DIAPH1: variants seen among roughly 807,000 people sequenced by gnomAD.
DIAPH1 encodes the protein diaphanous related formin 1, also known as protein diaphanous homolog 1.
DIAPH1 carries 46 observed loss-of-function variants against 140.7 expected under a neutral mutation model. That is an observed-to-expected ratio of 0.33 (90% confidence interval 0.26 to 0.42). DIAPH1 has a LOEUF of 0.42. Among genes scored for constraint, DIAPH1 ranks in the 10% least tolerant of loss-of-function variants. DIAPH1 has a pLI of 1.00. For missense variants in DIAPH1, 1,310 were observed against 1,558.7 expected (o/e 0.84, Z 2.69); for synonymous variants, 565 against 551.6 (o/e 1.02, Z -0.34).
intron 6 of DIAPH1, among the ~76,000 whole-genome samples, 154 bp from the exon 7 acceptor site, chr5:141,582,529 T>C (rs576673960): frequency 5.9e-5 from 9 of 152,252 alleles, no homozygotes; most frequent in South Asian, 4.1e-4. Flanking sequence ...CTGAAGAAAA[T>C]AGATAACTGA....
Position 141,524,243 on chromosome 5 carries a change from C to T in DIAPH1, c.3575-14G>A, listed in dbSNP as rs888321553. On this transcript the variant is annotated splice_polypyrimidine_tract_variant and intron_variant, in intron 26 of 27. Transcript: ENST00000389054. ...TCTCATCGCCCTCTGTTATAAAGAA[C>T]AAGATGGAGATGTGAACTCTTCAGC... The T allele has an allele frequency of 3.1e-6, 5 of 1,611,742 alleles. No individual in the cohort carries two copies. Among genetic ancestry groups the T allele is most frequent in the Non-Finnish European group, 4.2e-6 (5 of 1,177,930 alleles).
chr5:141,527,929 C>T (rs2099887635), intron 23 of DIAPH1, among the ~76,000 whole-genome samples: 1 of 152,116 alleles, frequency 6.6e-6, no homozygotes, highest in African/African-American at 2.4e-5. Flanking sequence ...CCAGCCTTCA[C>T]AAGGTATGCA....
intron 1 of DIAPH1, among the ~76,000 whole-genome samples, chr5:141,609,198 G>C (rs923761400): frequency 2.1e-5 from 3 of 142,104 alleles, no homozygotes; most frequent in Non-Finnish European, 4.5e-5. Context: ...CAGGCATTTA[G>C]CCACTACGCT....
intron 27 of DIAPH1, chr5:141,518,873 G>A (rs2099886103): frequency 2.8e-6 from 4 of 1,432,712 alleles, no homozygotes; most frequent in Non-Finnish European, 2.9e-6. Context: ...ATGACCCAGA[G>A]CTACTGTTTT....
In DIAPH1 at chr5:141,573,915, C is replaced by T. The variant is rs2099895570; in HGVS notation, c.1935G>A (p.Leu645=). ...GTGGAGGGATGGTAGCATCCCCAGA[C>T]AAAGGAGGGGGTGGAGAGATAGCAG... ...GGTAISPPPP[L]SGDATIPPPP... The change falls in exon 16 of 28, where the codon TTG becomes TTA. Residue 645 remains leucine, a synonymous_variant. Coordinates refer to ENST00000389054, the MANE Select transcript of DIAPH1 (RefSeq NM_005219.5). The T allele has an allele frequency of 6.5e-7, 1 of 1,540,234 alleles. No individual in the cohort carries two copies. The highest frequency in any genetic ancestry group is 2.0e-5 in the Admixed American group (1 of 48,938).
rs1388360527 is a variant in DIAPH1 at position 141,535,013 on chromosome 5, A to G, written c.2483-580T>C. ...ACCCAGGTTGGACTGCAGTGGCGCA[A>G]TCATGGCTCACTTGCAGCCTTGACC... On this transcript the variant is annotated intron_variant, in intron 18 of 27. Coordinates refer to ENST00000389054, the MANE Select transcript of DIAPH1 (RefSeq NM_005219.5). 2.6e-5 allele frequency among the ~76,000 whole-genome samples: 4 copies of G among 152,172 alleles called. No individual in the cohort carries two copies. In the South Asian group the frequency reaches 6.2e-4, roughly 24 times the overall value.
chr5:141,523,396 C>CT, intron 27 of DIAPH1, among the ~76,000 whole-genome samples: 1 of 152,202 alleles, frequency 6.6e-6, no homozygotes, highest in East Asian at 1.9e-4. Context: ...GAATTAGTCT[C>CT]TTGGCCACTG....
In DIAPH1 at chr5:141,571,923, C is replaced by G. The variant is rs968587277; in HGVS notation, c.2473+3G>C. On this transcript the variant is annotated splice_donor_region_variant and intron_variant, in intron 17 of 27. Coordinates refer to ENST00000389054, the MANE Select transcript of DIAPH1 (RefSeq NM_005219.5). The stretch of plus-strand genomic sequence containing the variant: ...CCTTTGCATCAAAGAGGAAGGTACT[C>G]ACTCTTGGTCTGGGCAGAGAAGGTA... The G allele has an allele frequency of 1.3e-6, 2 of 1,598,270 alleles. No homozygotes were observed. Among genetic ancestry groups the G allele is most frequent in the African/African-American group, 2.7e-5 (2 of 74,568 alleles).
chr5:141,579,081 T>TA lies in DIAPH1; in HGVS notation c.933+6dup. The TA allele has an allele frequency of 6.2e-7, 1 of 1,606,298 alleles. No homozygotes were observed. The highest frequency in any genetic ancestry group is 8.5e-7 in the Non-Finnish European group (1 of 1,172,800). ...TTCTTGGGCCCAGTTTCAGGGGATA[T>TA]ACATGCCTTCAGTGCAATAGTGGTT... On this transcript the variant is annotated splice_region_variant and intron_variant, in intron 9 of 27. Transcript: ENST00000389054.
intron 11 of DIAPH1, 183 bp downstream of exon 11, chr5:141,578,042 T>A (rs1392833951): frequency 4.4e-6 from 3 of 675,576 alleles, no homozygotes; most frequent in Non-Finnish European, 8.1e-6. Context: ...CTGACTTCCC[T>A]GATCTATGAT....
intron 18 of DIAPH1, among the ~76,000 whole-genome samples, chr5:141,562,624 C>CAAAAA (rs199841554): frequency 7.2e-6 from 1 of 139,606 alleles, no homozygotes; most frequent in African/African-American, 2.6e-5. Flanking sequence ...AAAAAACAAA[C>CAAAAA]AAAAAAAAAC....
chr5:141,556,963 G>A (rs1005791221), intron 18 of DIAPH1, among the ~76,000 whole-genome samples: 6 of 152,152 alleles, frequency 3.9e-5, no homozygotes, highest in African/African-American at 1.4e-4. Flanking sequence ...CCAAAGTGCT[G>A]GGATTACAGG....
chr5:141,566,353 T>A (rs1421378821), intron 18 of DIAPH1, among the ~76,000 whole-genome samples: 6 of 152,158 alleles, frequency 3.9e-5, no homozygotes, highest in African/African-American at 1.4e-4. Context: ...TATTGGAGTA[T>A]AGAAGAGTGG....
rs62380762 is a variant in DIAPH1, at chr5:141,610,521, G to A, written c.117+8277C>T. Among the ~76,000 whole-genome samples the A allele has an allele frequency of 8.6e-5, 13 of 151,836 alleles. No individual in the cohort carries two copies. In the South Asian group the frequency reaches 2.5e-3, roughly 29 times the overall value. ...TCACCATGTTGGCCAGGATGGTCTCGATCTCTTCATCTCGTGATCCGCCCA... is the reference window on the plus strand; with the variant it reads ...TCACCATGTTGGCCAGGATGGTCTCAATCTCTTCATCTCGTGATCCGCCCA... On this transcript the variant is annotated intron_variant, in intron 1 of 27. Transcript: ENST00000389054.
chr5:141,587,059 G>GAACC lies in DIAPH1; in HGVS notation c.279_282dup (p.Leu95GlyfsTer4). On this transcript the variant is annotated frameshift_variant, in exon 3 of 28. Coordinates refer to ENST00000389054, the MANE Select transcript of DIAPH1 (RefSeq NM_005219.5). LOFTEE classifies it high-confidence loss of function. ...AAACTTACCAGCATCTGTTCAAAGA[G>GAACC]AACCAGCACTTGTTCATCTGAAACA... The GAACC allele has an allele frequency of 6.2e-7, 1 of 1,614,112 alleles. No individual in the cohort carries two copies. Among genetic ancestry groups the GAACC allele is most frequent in the Non-Finnish European group, 8.5e-7 (1 of 1,179,992 alleles).
intron 1 of DIAPH1, among the ~76,000 whole-genome samples, chr5:141,599,891 T>TTTTG (rs945388769): frequency 2.3e-4 from 35 of 152,276 alleles, no homozygotes; most frequent in African/African-American, 7.9e-4. Context: ...GTCTATGTTT[T>TTTTG]TTTGTTTGTT....
chr5:141,552,293 A>C (rs560406816), intron 18 of DIAPH1, among the ~76,000 whole-genome samples: 5 of 152,178 alleles, frequency 3.3e-5, no homozygotes, highest in African/African-American at 1.2e-4. Context: ...GGGCTCAAGC[A>C]ATCCTCCCGC....
intron 18 of DIAPH1, among the ~76,000 whole-genome samples, chr5:141,535,610 T>A (rs947987111): frequency 6.6e-6 from 1 of 152,242 alleles, no homozygotes. Context: ...TATTTCATTG[T>A]ATCACTCCCT....
intron 18 of DIAPH1, among the ~76,000 whole-genome samples, chr5:141,562,220 CA>C (rs578001246): frequency 0.063 from 8,543 of 135,436 alleles, 320 homozygotes; most frequent in African/African-American, 0.1. Context: ...GCTACTGTTT[CA>C]AAAAAAAAAA....
Sources: allele counts gnomAD v4.1 joint callset (sites outside exome capture counted in the v4.1 genomes callset), GRCh38; gene constraint gnomAD v4.1.1; transcripts MANE v1.5; gene names NCBI Gene and HGNC (gene_info 2026-07-23, HGNC 2026-07-21).